Variants in TAS2R1 observed in about 807,000 individuals in gnomAD.
TAS2R1 encodes taste receptor type 2 member 1.
For synonymous variants in TAS2R1, 141 were observed against 134.2 expected (o/e 1.05, Z -0.35); for missense variants, 370 against 353.4 (o/e 1.05, Z -0.38).
intron 1 of TAS2R1, among the ~76,000 whole-genome samples, chr5:9,670,157 T>C (rs1252184003): frequency 2.0e-5 from 3 of 152,050 alleles, no homozygotes; most frequent in Admixed American, 6.6e-5. Flanking sequence ...CTAGAGGAAA[T>C]AGATAAACTC....
chr5:9,858,987 A>G, the TAS2R1 span, among the ~76,000 whole-genome samples: 108,523 of 152,158 alleles, frequency 0.71, 39,332 homozygotes, highest in East Asian at 0.86. Context: ...TAGTTTTCAC[A>G]TTCCACTCAC....
the TAS2R1 span, among the ~76,000 whole-genome samples, chr5:9,754,953 A>G: frequency 1.3e-5 from 2 of 152,252 alleles, no homozygotes; most frequent in African/African-American, 4.8e-5. Flanking sequence ...CTAAGCCAAA[A>G]GAACAAAGCT....
At chr5:9,865,408 G>T in the TAS2R1 span, among the ~76,000 whole-genome samples, 1 of 152,094 alleles carries the variant, frequency 6.6e-6, no homozygotes, top group Admixed American at 6.5e-5. Context: ...TCTCATGTTT[G>T]TAGTGATAAT....
At chr5:9,848,442 T>C in the TAS2R1 span, among the ~76,000 whole-genome samples, 2 of 152,320 alleles carry the variant, frequency 1.3e-5, no homozygotes, top group East Asian at 1.9e-4. Flanking sequence ...CTTGTTGTTA[T>C]ACATTATGCC....
At chr5:9,687,949 A>C (rs533723800) in intron 1 of TAS2R1, among the ~76,000 whole-genome samples, 3 of 152,340 alleles carry the variant, frequency 2.0e-5, no homozygotes, top group South Asian at 4.1e-4. Flanking sequence ...TATACACATT[A>C]AATAAATGTG....
At chr5:9,900,713 C>G in the TAS2R1 span, among the ~76,000 whole-genome samples, 48 of 150,978 alleles carry the variant, frequency 3.2e-4, no homozygotes, top group Non-Finnish European at 6.0e-4. Context: ...CTCCGCGTCC[C>G]GGGTTCATGC....
chr5:9,804,114 T>C, the TAS2R1 span, among the ~76,000 whole-genome samples: 10 of 152,106 alleles, frequency 6.6e-5, no homozygotes, highest in Admixed American at 6.5e-4. Context: ...TAAAACAAAC[T>C]TTAAAGCAAC....
the TAS2R1 span, among the ~76,000 whole-genome samples, chr5:9,867,341 A>G: frequency 6.6e-6 from 1 of 152,360 alleles, no homozygotes; most frequent in South Asian, 2.1e-4. Context: ...TAAAGGAAAG[A>G]GGTTTAATTG....
the TAS2R1 span, among the ~76,000 whole-genome samples, chr5:9,725,618 C>T: frequency 3.3e-5 from 5 of 152,186 alleles, no homozygotes; most frequent in African/African-American, 9.6e-5. Context: ...CATCCGCCCC[C>T]GTGGGCTTCT....
chr5:9,661,511 A>G (rs1030000939), intron 1 of TAS2R1, among the ~76,000 whole-genome samples: 1 of 152,250 alleles, frequency 6.6e-6, no homozygotes, highest in Non-Finnish European at 1.5e-5. Context: ...TGAAGGAAAG[A>G]AAAACATAGA....
At chr5:9,750,600 T>C in the TAS2R1 span, among the ~76,000 whole-genome samples, 2 of 152,178 alleles carry the variant, frequency 1.3e-5, no homozygotes, top group Non-Finnish European at 2.9e-5. Flanking sequence ...CATAATGTGA[T>C]TTACATGATA....
At chr5:9,685,316 T>C (rs2126513316) in intron 1 of TAS2R1, among the ~76,000 whole-genome samples, 1 of 152,196 alleles carries the variant, frequency 6.6e-6, no homozygotes, top group East Asian at 1.9e-4. Flanking sequence ...GGCCATACAA[T>C]ATAACCTTGC....
At chr5:9,713,428 G>A (rs553927147), upstream of TAS2R1, among the ~76,000 whole-genome samples, 10 of 152,216 alleles carry the variant, frequency 6.6e-5, 1 homozygote, top group South Asian at 2.1e-3. Context: ...TTCAGGCACA[G>A]CTTTTGCAAA....
the TAS2R1 span, among the ~76,000 whole-genome samples, chr5:9,820,765 A>C: frequency 6.6e-6 from 1 of 152,180 alleles, no homozygotes; most frequent in African/African-American, 2.4e-5. Context: ...CTGAAAACAA[A>C]AACGAAAGAA....
upstream of TAS2R1, among the ~76,000 whole-genome samples, chr5:9,716,788 G>T (rs1366378827): frequency 6.6e-6 from 1 of 152,074 alleles, no homozygotes; most frequent in African/African-American, 2.4e-5. Flanking sequence ...TTGAAATCCA[G>T]CTCTGGATTT....
At chr5:9,857,204 T>C in the TAS2R1 span, among the ~76,000 whole-genome samples, 22 of 152,164 alleles carry the variant, frequency 1.4e-4, no homozygotes, top group Non-Finnish European at 2.6e-4. Flanking sequence ...TACAGTTAGA[T>C]AGAAGAAGTA....
the TAS2R1 span, among the ~76,000 whole-genome samples, chr5:9,897,379 G>A: frequency 4.5e-4 from 68 of 152,266 alleles, no homozygotes; most frequent in African/African-American, 1.5e-3. Context: ...AACCCAGGAG[G>A]CAGAGGTTGC....
chr5:9,655,729 G>GA (rs1363126649), intron 2 of TAS2R1, among the ~76,000 whole-genome samples: 1 of 151,786 alleles, frequency 6.6e-6, no homozygotes, highest in Non-Finnish European at 1.5e-5. Context: ...CAATTCACAA[G>GA]AAAAAACACA....
chr5:9,779,099 A>G, the TAS2R1 span, among the ~76,000 whole-genome samples: 11 of 152,344 alleles, frequency 7.2e-5, no homozygotes, highest in African/African-American at 2.4e-4. Flanking sequence ...CCATGGTGGC[A>G]TATCTCTCAT....
Sources: allele counts gnomAD v4.1 joint callset (sites outside exome capture counted in the v4.1 genomes callset), GRCh38; gene constraint gnomAD v4.1.1; transcripts MANE v1.5; gene names NCBI Gene and HGNC (gene_info 2026-07-23, HGNC 2026-07-21).